PLXNB1: variants seen among roughly 807,000 people sequenced by gnomAD.
The protein encoded by PLXNB1 is plexin B1.
A neutral mutation model predicts 209.4 loss-of-function variants in PLXNB1; 106 were observed. That is an observed-to-expected ratio of 0.51 (90% CI 0.43 to 0.59). The LOEUF is 0.59. PLXNB1 is among the 20% of genes least tolerant of loss of function. PLXNB1 has a pLI of 0.00. For synonymous variants in PLXNB1, 1,167 were observed against 1,183.2 expected, an observed-to-expected ratio of 0.99 and a Z score of 0.28; for missense variants, 2,357 against 2,853.2, an observed-to-expected ratio of 0.83 and a Z score of 3.96.
Position 48,419,506 on chromosome 3 carries a change from C to T in PLXNB1, c.2709+71G>A. ...CTCACCTCCTCCCAGTGCAGAATCACAAGGCAAGCTAGGGGTAGCATCTTC... is the reference window on the plus strand; with the variant it reads ...CTCACCTCCTCCCAGTGCAGAATCATAAGGCAAGCTAGGGGTAGCATCTTC... On this transcript the variant is annotated intron_variant, in intron 11 of 37. Transcript: ENST00000296440. This position sits in a 1 kb window ranked among gnomAD's most constrained non-coding sequence, Gnocchi z 5.7. The T allele has an allele frequency of 2.6e-6, 4 of 1,522,174 alleles. No homozygotes were observed. The highest frequency in any genetic ancestry group is 2.7e-5 in the African/African-American group (2 of 73,402). The allele number at this position is 1,522,174 out of a possible 1,614,324, so 94.3% of individuals were successfully genotyped here. A position where few individuals can be genotyped will look rare whatever the true frequency, so the allele number is the denominator to read the frequency against.
In PLXNB1 at chr3:48,415,096, C is replaced by T; in HGVS notation, c.3967-55G>A. 1.2e-6 allele frequency: 2 copies of T among 1,607,076 alleles called. No homozygotes were observed. On this transcript the variant is annotated intron_variant, in intron 20 of 37. Coordinates refer to ENST00000296440, the MANE Select transcript of PLXNB1 (RefSeq NM_001130082.3). The surrounding 1 kb of genome is among the most constrained non-coding windows in gnomAD (Gnocchi z 5.0). ...GGCCAAGCAAAGATGGGAAGAGCCT[C>T]CTCTGGCACCTGCTCTGGCTGTCCC...
rs1336414364 is a variant in PLXNB1, at chr3:48,424,078, C to T, written c.534G>A (p.Gly178=). 6 of 1,570,048 alleles carry T rather than the reference C, an allele frequency of 3.8e-6. No individual in the cohort carries two copies. Among genetic ancestry groups the T allele is most frequent in the Non-Finnish European group, 5.2e-6 (6 of 1,157,128 alleles). Residue 178 remains glycine (G), a synonymous_variant, in exon 3 of 38, where the codon GGG becomes GGA. Coordinates refer to ENST00000296440, the MANE Select transcript of PLXNB1 (RefSeq NM_001130082.3). ...VGRGYTSRGV[G]GGIPPITTRA... ...GGGTTGTGATGGGTGGAATGCCACCCCCCACACCCCTGCTGGTGTATCCTC... is the reference window on the plus strand; with the variant it reads ...GGGTTGTGATGGGTGGAATGCCACCTCCCACACCCCTGCTGGTGTATCCTC...
Position 48,422,125 on chromosome 3 carries a change from C to A in PLXNB1, c.1500G>T (p.Gly500=). Residue 500 remains glycine, a synonymous_variant, in exon 6 of 38, where the codon GGG becomes GGT. Coordinates refer to ENST00000296440, the MANE Select transcript of PLXNB1 (RefSeq NM_001130082.3). The part of the protein sequence containing the change: ...SCLAHRDPYC[G]WCVLLGRCSR... Reference sequence around the variant, plus strand: ...CTGACCTGCCAAGGAGCACGCACCACCCACAGTATGGGTCCCTGTGAGCAA... The same window carrying A: ...CTGACCTGCCAAGGAGCACGCACCAACCACAGTATGGGTCCCTGTGAGCAA... The A allele has an allele frequency of 6.2e-7, 1 of 1,614,044 alleles. No homozygotes were observed. Among genetic ancestry groups the A allele is most frequent in the Non-Finnish European group, 8.5e-7 (1 of 1,179,910 alleles).
rs1455880314 is a variant in PLXNB1, at chr3:48,406,724, G to A, written c.6228+99C>T. On this transcript the variant is annotated intron_variant, in intron 36 of 37. Coordinates refer to ENST00000296440, the MANE Select transcript of PLXNB1 (RefSeq NM_001130082.3). This position sits in a 1 kb window ranked among gnomAD's most constrained non-coding sequence, Gnocchi z 4.4. ...CCCAACCAGCTCACAGGGCTGCTGA[G>A]GTTCCCAAGGGCTTCCCTGCAAAGG... 6 of 1,477,390 alleles carry A rather than the reference G, an allele frequency of 4.1e-6. No homozygotes were observed. Among genetic ancestry groups the A allele is most frequent in the Non-Finnish European group, 5.4e-6 (6 of 1,109,780 alleles). The allele number at this position is 1,477,390 out of a possible 1,614,324, so 91.5% of individuals were successfully genotyped here.
chr3:48,410,155 A>G lies in PLXNB1; in HGVS notation c.5606-78T>C. On this transcript the variant is annotated intron_variant, in intron 31 of 37. Coordinates refer to ENST00000296440, the MANE Select transcript of PLXNB1 (RefSeq NM_001130082.3). The surrounding 1 kb of genome is among the most constrained non-coding windows in gnomAD (Gnocchi z 6.4). ...CCCCCTGTTTCTTGCCAGCTCTCCC[A>G]GGGGTGGGGGCACCTGGTTGAGGGA... 6.7e-7 allele frequency: 1 copy of G among 1,496,094 alleles called. No individual in the cohort carries two copies. Among genetic ancestry groups the G allele is most frequent in the Non-Finnish European group, 9.0e-7 (1 of 1,109,998 alleles). 92.7% of individuals were successfully genotyped at this position (1,496,094 alleles called of 1,614,324 possible). A position where few individuals can be genotyped will look rare whatever the true frequency, so the allele number is the denominator to read the frequency against.
At chr3:48,426,865 C>T (rs954737138) in intron 1 of PLXNB1, among the ~76,000 whole-genome samples, 2 of 152,124 alleles carry the variant, frequency 1.3e-5, no homozygotes, top group African/African-American at 4.8e-5. Context: ...CAAGAGCCCC[C>T]CACCTAGTTT....
rs761900694 is a variant in PLXNB1 at position 48,412,655 on chromosome 3, TA to T, written c.4855-36del. On this transcript the variant is annotated intron_variant, in intron 25 of 37. Coordinates refer to ENST00000296440, the MANE Select transcript of PLXNB1 (RefSeq NM_001130082.3). ...AAGAGAAGGGATGGGAAAAGGGGTT[TA>T]GGGGGACAGAGGGGCGGGCTCAGAA... 6 of 1,609,592 alleles carry T rather than the reference TA, an allele frequency of 3.7e-6. No individual in the cohort carries two copies. The South Asian group carries it at 5.5e-5, about 15-fold the overall frequency.
rs1393987252 is a variant in PLXNB1, at chr3:48,422,733, GGGGCAGGGGCCAGTACTTCCTGT to G, written c.1290+9_1290+31del. 1 of 1,600,810 alleles carries G rather than the reference GGGGCAGGGGCCAGTACTTCCTGT, an allele frequency of 6.2e-7. No homozygotes were observed. Among genetic ancestry groups the G allele is most frequent in the African/African-American group, 1.3e-5 (1 of 74,866 alleles). The stretch of plus-strand genomic sequence containing the variant: ...TAGCAATCTGTTCCCTCCAGACTCT[GGGGCAGGGGCCAGTACTTCCTGT>G]GGGCTCACCCTGTGCAGCTGCCCTT... On this transcript the variant is annotated intron_variant, in intron 4 of 37. Coordinates refer to ENST00000296440, the MANE Select transcript of PLXNB1 (RefSeq NM_001130082.3).
intron 37 of PLXNB1, 81 bp from the exon 38 acceptor site, chr3:48,404,671 G>A (rs978290409): frequency 6.1e-5 from 55 of 903,056 alleles, no homozygotes; most frequent in Middle Eastern, 4.4e-4. Flanking sequence ...CTCCTAAGAC[G>A]CTGTGGCATG....
chr3:48,421,454 AC>A (rs2038512846), intron 7 of PLXNB1, 70 bp from the exon 8 acceptor site: 2 of 1,468,012 alleles, frequency 1.4e-6, no homozygotes, highest in East Asian at 4.6e-5. Context: ...TTTATGGGAC[AC>A]CCAATGTGGG....
Position 48,419,292 on chromosome 3 carries a change from A to G in PLXNB1, c.2784T>C (p.His928=), listed in dbSNP as rs34360153. 47 of 1,598,404 alleles carry G rather than the reference A, an allele frequency of 2.9e-5. No homozygotes were observed. The highest frequency in any genetic ancestry group is 1.8e-4 in the Middle Eastern group (1 of 5,576). Residue 928 remains histidine (H), a synonymous_variant, in exon 12 of 38, where the codon CAT becomes CAC. Transcript: ENST00000296440. The surrounding 1 kb of genome is among the most constrained non-coding windows in gnomAD (Gnocchi z 5.7). ...CTAGCAGCCGGATTTCCCGCTCCACATGGACCGGCATCAACGTGGAGCCCT... is the reference window on the plus strand; with the variant it reads ...CTAGCAGCCGGATTTCCCGCTCCACGTGGACCGGCATCAACGTGGAGCCCT... The part of the protein sequence containing the change: ...SVQGSTLMPV[H]VEREIRLLGR...
In PLXNB1 at chr3:48,411,540, G is replaced by C. The variant is rs1266086193; in HGVS notation, c.5247+323C>G. 6.6e-6 allele frequency among the ~76,000 whole-genome samples: 1 copy of C among 152,170 alleles called. No individual in the cohort carries two copies. ...GCAAGGCCGCATTCCTGGTAGGAGG[G>C]CCAGGCAGACAGGGTCAGGCCCTGA... On this transcript the variant is annotated intron_variant, in intron 28 of 37. Coordinates refer to ENST00000296440, the MANE Select transcript of PLXNB1 (RefSeq NM_001130082.3). This position sits in a 1 kb window ranked among gnomAD's most constrained non-coding sequence, Gnocchi z 4.0.
rs916823163 is a variant in PLXNB1 at position 48,418,081 on chromosome 3, T to G, written c.3223-19A>C. 8.1e-6 allele frequency: 13 copies of G among 1,610,346 alleles called. No homozygotes were observed. Among genetic ancestry groups the G allele is most frequent in the Non-Finnish European group, 1.1e-5 (13 of 1,177,982 alleles). On this transcript the variant is annotated intron_variant, in intron 15 of 37. Transcript: ENST00000296440. This position sits in a 1 kb window ranked among gnomAD's most constrained non-coding sequence, Gnocchi z 6.6. ...GCTCCACCTGTTCCAGGACAAGGAC[T>G]GCTCACCTCTACTCAACTGGAAAGG...
intron 4 of PLXNB1, 144 bp downstream of exon 4, chr3:48,422,620 TA>T: frequency 8.2e-7 from 1 of 1,219,448 alleles, no homozygotes. Flanking sequence ...AAGTCACAGG[TA>T]AACACCACCC....
At position 48,413,600 on chromosome 3, in the gene PLXNB1, G is replaced by T; in HGVS notation, c.4535+70C>A. On this transcript the variant is annotated intron_variant, in intron 23 of 37. Transcript: ENST00000296440. The surrounding 1 kb of genome is among the most constrained non-coding windows in gnomAD (Gnocchi z 5.4). ...GAGAATGTTTCCTGACTCCTGGCCC[G>T]GTCTGTCCCTTCCCAGTCCAGCCAG... is the stretch of plus-strand genomic sequence containing the variant. 1.4e-6 allele frequency: 2 copies of T among 1,475,036 alleles called. No homozygotes were observed. The highest frequency in any genetic ancestry group is 1.8e-6 in the Non-Finnish European group (2 of 1,089,454). 91.4% of individuals were successfully genotyped at this position (1,475,036 alleles called of 1,614,324 possible).
rs765593992 is a variant in PLXNB1, at chr3:48,414,827, T to G, written c.4181A>C (p.His1394Pro). 1.2e-6 allele frequency: 2 copies of G among 1,614,028 alleles called. No homozygotes were observed. The highest frequency in any genetic ancestry group is 1.7e-6 in the Non-Finnish European group (2 of 1,180,004). The stretch of plus-strand genomic sequence containing the variant: ...CACGGAGAACACACTCCCAGGCTTG[T>G]GCCGGAATGGCATGGTGGGGTCCTC... ...NPEDPTMPFRHKPGSVFSVEG... is the reference protein window; with the variant it reads ...NPEDPTMPFRPKPGSVFSVEG... The change falls in exon 21 of 38, where the codon CAC (histidine) becomes CCC (proline). Residue 1394 changes from histidine to proline, a missense_variant. Coordinates refer to ENST00000296440, the MANE Select transcript of PLXNB1 (RefSeq NM_001130082.3).
rs1286699450 is a variant in PLXNB1, at chr3:48,420,976, G to A, written c.1811-20C>T. ...CGTAGTCTGCAGAGGGGGAGAGAGGGCCAGGGTTAAGCAGCAAGGAGGTGC... is the reference window on the plus strand; with the variant it reads ...CGTAGTCTGCAGAGGGGGAGAGAGGACCAGGGTTAAGCAGCAAGGAGGTGC... On this transcript the variant is annotated intron_variant, in intron 8 of 37. Transcript: ENST00000296440. 4.4e-6 allele frequency: 7 copies of A among 1,590,480 alleles called. No homozygotes were observed. The highest frequency in any genetic ancestry group is 1.3e-5 in the African/African-American group (1 of 74,382).
chr3:48,425,030 G>A (rs1290718645), intron 2 of PLXNB1, among the ~76,000 whole-genome samples: 1 of 152,172 alleles, frequency 6.6e-6, no homozygotes, highest in Admixed American at 6.5e-5. Context: ...GGGTTTCCCG[G>A]GCAGAAGAAG....
Position 48,415,183 on chromosome 3 carries a change from C to A in PLXNB1, c.3959G>T (p.Ser1320Ile), listed in dbSNP as rs2037993042. 1.2e-6 allele frequency: 2 copies of A among 1,611,330 alleles called. No individual in the cohort carries two copies. Among genetic ancestry groups the A allele is most frequent in the Non-Finnish European group, 8.5e-7 (1 of 1,178,192 alleles). The change falls in exon 20 of 38, where the codon AGC becomes ATC. Residue 1320 changes from serine (S) to isoleucine (I), a missense_variant. Coordinates refer to ENST00000296440, the MANE Select transcript of PLXNB1 (RefSeq NM_001130082.3). The surrounding 1 kb of genome is among the most constrained non-coding windows in gnomAD (Gnocchi z 5.0). ...TACCCAAGGGTGTCCTACTTGCTGGCTACTGCAGGAGGGTCCAAGGGAACA... is the reference window on the plus strand; with the variant it reads ...TACCCAAGGGTGTCCTACTTGCTGGATACTGCAGGAGGGTCCAAGGGAACA... ...TACSLGPSCS[S>I]QQFEEPCHVN...
Sources: gnomAD v4.1 joint callset for allele counts (sites outside exome capture counted in the v4.1 genomes callset) on GRCh38, gnomAD v4.1.1 for gene constraint, Gnocchi (gnomAD v3.1) non-coding constraint, MANE v1.5 for transcripts, NCBI Gene and HGNC (gene_info 2026-07-23, HGNC 2026-07-21) for gene names.